Variants in CAST observed in about 807,000 individuals in gnomAD.
CAST encodes MIR583 host.
CAST carries 76 observed loss-of-function variants against 119.6 expected under a neutral mutation model. The observed-to-expected ratio is 0.64, with a 90% CI of 0.53 to 0.77. The LOEUF is 0.77. Ranked by LOEUF, CAST falls within the 30% of genes least tolerant of loss-of-function variation. The pLI, the probability that CAST is intolerant of heterozygous loss-of-function variation, is 0.00. For synonymous variants in CAST, 319 were observed against 331.6 expected (o/e 0.96, Z 0.41); for missense variants, 953 against 946.5 (o/e 1.01, Z -0.09).
At chr5:96,043,842 G>A in the CAST span, among the ~76,000 whole-genome samples, 2 of 152,164 alleles carry the variant, frequency 1.3e-5, no homozygotes, top group Non-Finnish European at 2.9e-5. Flanking sequence ...ACTTGACTAT[G>A]TGGCTGAAAT....
the CAST span, among the ~76,000 whole-genome samples, chr5:95,966,367 T>C: frequency 3.6e-4 from 55 of 152,160 alleles, no homozygotes; most frequent in African/African-American, 1.3e-3. Flanking sequence ...CCTGGGGTTC[T>C]AGCCTCAGCA....
At chr5:96,148,100 G>A in the CAST span, among the ~76,000 whole-genome samples, 1 of 152,124 alleles carries the variant, frequency 6.6e-6, no homozygotes, top group Non-Finnish European at 1.5e-5. Context: ...GTCACACAGG[G>A]ACTCTTTGGT....
At chr5:96,202,360 G>T in the CAST span, among the ~76,000 whole-genome samples, 2 of 151,856 alleles carry the variant, frequency 1.3e-5, no homozygotes, top group Non-Finnish European at 2.9e-5. Context: ...AAATAACAAT[G>T]AATATTTTTT....
chr5:96,003,407 G>A, the CAST span, among the ~76,000 whole-genome samples: 9 of 150,916 alleles, frequency 6.0e-5, no homozygotes, highest in African/African-American at 1.5e-4. Flanking sequence ...GTGTGGTGGC[G>A]GGCGCCTGTA....
At chr5:95,979,752 C>T in the CAST span, among the ~76,000 whole-genome samples, 1 of 152,212 alleles carries the variant, frequency 6.6e-6, no homozygotes, top group South Asian at 2.1e-4. Context: ...CTTTCTCTCC[C>T]TCATCTAAGA....
the CAST span, among the ~76,000 whole-genome samples, chr5:96,302,510 C>G: frequency 6.6e-6 from 1 of 152,110 alleles, no homozygotes; most frequent in Non-Finnish European, 1.5e-5. Context: ...TGCTCTGCTT[C>G]CCTTTTAAAT....
At chr5:96,368,012 CA>C in the CAST span, among the ~76,000 whole-genome samples, 1 of 152,068 alleles carries the variant, frequency 6.6e-6, no homozygotes, top group Non-Finnish European at 1.5e-5. Flanking sequence ...TTGTCCTTCT[CA>C]CCCACTTACA....
chr5:96,380,312 T>C, the CAST span, among the ~76,000 whole-genome samples: 1 of 152,196 alleles, frequency 6.6e-6, no homozygotes, highest in Non-Finnish European at 1.5e-5. Context: ...AAAAATACTC[T>C]TGGTGAAGCA....
chr5:95,961,699 C>T, the CAST span: 1 of 1,602,382 alleles, frequency 6.2e-7, no homozygotes, highest in Non-Finnish European at 8.5e-7. Flanking sequence ...CTCCCGCAGG[C>T]CCCCTGTCCC....
chr5:96,619,472 A>G (rs1747544187), intron 1 of CAST, among the ~76,000 whole-genome samples: 1 of 152,230 alleles, frequency 6.6e-6, no homozygotes, highest in Non-Finnish European at 1.5e-5. Flanking sequence ...GGGGCCAGAT[A>G]AGGGAATAAA....
At chr5:96,402,790 G>A in the CAST span, among the ~76,000 whole-genome samples, 3 of 152,074 alleles carry the variant, frequency 2.0e-5, no homozygotes, top group Admixed American at 1.3e-4. Flanking sequence ...CTGAGCTCCC[G>A]ACAAACATAC....
the CAST span, among the ~76,000 whole-genome samples, chr5:96,381,913 A>T: frequency 6.6e-6 from 1 of 152,190 alleles, no homozygotes; most frequent in Non-Finnish European, 1.5e-5. Context: ...TCTTATCAAG[A>T]TACATAGAGT....
chr5:96,411,071 T>C, the CAST span: 1 of 964,472 alleles, frequency 1.0e-6, no homozygotes, highest in South Asian at 1.3e-5. Context: ...AACGACTACA[T>C]GTGTGAAATT....
chr5:96,397,632 G>A, the CAST span, among the ~76,000 whole-genome samples: 1 of 152,038 alleles, frequency 6.6e-6, no homozygotes, highest in African/African-American at 2.4e-5. Flanking sequence ...AAAATATGAT[G>A]TTTTTATCTA....
the CAST span, among the ~76,000 whole-genome samples, chr5:96,067,923 G>C: frequency 6.6e-6 from 1 of 151,980 alleles, no homozygotes; most frequent in South Asian, 2.1e-4. Context: ...ACAGACTAGA[G>C]AGTGAAATGG....
chr5:96,720,629 C>T (rs1312432262), intron 3 of CAST, among the ~76,000 whole-genome samples: 1 of 152,274 alleles, frequency 6.6e-6, no homozygotes, highest in Non-Finnish European at 1.5e-5. Flanking sequence ...ATTCCCACTA[C>T]ACCCTGCGCC....
rs1251276310 is a variant in CAST, at chr5:96,736,196, C to G, written c.655C>G (p.Pro219Ala). The part of the protein sequence containing the change: ...DKKKEKKSLT[P>A]AVPVESKPDK... ...GAAAAAAGAAAAGAAATCATTAACC[C>G]CAGCTGTGCCAGTTGAATCTAAACC... Residue 219 changes from proline to alanine, a missense_variant, in exon 10 of 32, where the codon CCA becomes GCA. Pro to Ala is a conservative substitution (Grantham distance 27). Transcript: ENST00000675179. 1.2e-6 allele frequency: 2 copies of G among 1,612,306 alleles called. No homozygotes were observed. The highest frequency in any genetic ancestry group is 2.7e-5 in the African/African-American group (2 of 74,790).
At chr5:96,419,948 AC>A in the CAST span, among the ~76,000 whole-genome samples, 1 of 152,060 alleles carries the variant, frequency 6.6e-6, no homozygotes, top group Non-Finnish European at 1.5e-5. Flanking sequence ...ACAAGTTATC[AC>A]CCACACTGGA....
the CAST span, among the ~76,000 whole-genome samples, chr5:96,468,814 T>C: frequency 2.0e-5 from 3 of 152,082 alleles, no homozygotes; most frequent in Non-Finnish European, 4.4e-5. Context: ...TCCCCTTCTG[T>C]CTGACAACAT....
Sources: allele counts gnomAD v4.1 joint callset (sites outside exome capture counted in the v4.1 genomes callset), GRCh38; gene constraint gnomAD v4.1.1; transcripts MANE v1.5; gene names NCBI Gene and HGNC (gene_info 2026-07-23, HGNC 2026-07-21).